The following USP15 variants were observed in gnomAD, a reference collection of about 807,000 sequenced individuals.
USP15 encodes the protein ubiquitin carboxyl-terminal hydrolase 15.
Under a neutral mutation model 127.1 loss-of-function variants are expected in USP15, and 18 were observed. The ratio of observed to expected loss-of-function variants is 0.14; its 90% CI spans 0.10 to 0.21. The LOEUF (loss-of-function observed/expected upper bound fraction) is 0.21. Ranked by LOEUF, USP15 falls within the 10% of genes least tolerant of loss-of-function variation. USP15 has a pLI of 1.00. For synonymous variants in USP15, 364 were observed against 393.7 expected, an observed-to-expected ratio of 0.92 and a Z score of 0.89; for missense variants, 805 against 1,159.9, an observed-to-expected ratio of 0.69 and a Z score of 4.44.
intron 1 of USP15, among the ~76,000 whole-genome samples, chr12:62,269,370 A>G (rs112332097): frequency 2.2e-4 from 34 of 151,612 alleles, no homozygotes; most frequent in East Asian, 7.7e-4. Context: ...GTGTGTGTGT[A>G]TATATATATA....
chr12:62,375,711 T>C (rs903563892), intron 8 of USP15, among the ~76,000 whole-genome samples: 1 of 152,178 alleles, frequency 6.6e-6, no homozygotes. Flanking sequence ...GCAGTCTCAA[T>C]ACATTAAACT....
intron 20 of USP15, among the ~76,000 whole-genome samples, chr12:62,398,975 T>G (rs886406062): frequency 6.6e-6 from 1 of 152,220 alleles, no homozygotes; most frequent in Non-Finnish European, 1.5e-5. Context: ...TCTCTGTTCC[T>G]TTTAACACCA....
chr12:62,298,164 A>C (rs1384418276), intron 2 of USP15, among the ~76,000 whole-genome samples: 1 of 152,172 alleles, frequency 6.6e-6, no homozygotes, highest in Non-Finnish European at 1.5e-5. Context: ...CCATCAAATG[A>C]ACCAATTTGT....
intron 8 of USP15, among the ~76,000 whole-genome samples, chr12:62,376,851 A>G (rs1031759244): frequency 6.6e-6 from 1 of 152,184 alleles, no homozygotes; most frequent in East Asian, 1.9e-4. Context: ...CTTACAGGAT[A>G]AAAGGGAAGT....
At chr12:62,331,740 G>T (rs1317071193) in intron 6 of USP15, among the ~76,000 whole-genome samples, 1 of 152,008 alleles carries the variant, frequency 6.6e-6, no homozygotes, top group Non-Finnish European at 1.5e-5. Flanking sequence ...AAAATGTTAA[G>T]GGTAAAATTT....
chr12:62,310,443 A>G (rs767687275), intron 3 of USP15, among the ~76,000 whole-genome samples: 2 of 151,784 alleles, frequency 1.3e-5, no homozygotes, highest in Non-Finnish European at 2.9e-5. Flanking sequence ...TCATGTGATC[A>G]AATTTTTTAG....
rs567811477 is a variant in USP15, at chr12:62,385,406, G to T, written c.1473+1104G>T. On this transcript the variant is annotated intron_variant, in intron 11 of 21. Coordinates refer to ENST00000280377, the MANE Select transcript of USP15 (RefSeq NM_001252078.2). ...ATTCAGGGATGTATTTGGGTTTATT[G>T]TCAACAAAGACAGGGTATATGTAGT... is the stretch of plus-strand genomic sequence containing the variant. Among the ~76,000 whole-genome samples the T allele has an allele frequency of 1.4e-4, 21 of 152,014 alleles. 1 individual carries two copies. The East Asian group carries it at 3.9e-3, about 28-fold the overall frequency.
At position 62,384,206 on chromosome 12, in the gene USP15, T is replaced by C; in HGVS notation, c.1377T>C (p.Asp459=). The C allele has an allele frequency of 6.2e-7, 1 of 1,613,088 alleles. No individual in the cohort carries two copies. Among genetic ancestry groups the C allele is most frequent in the Non-Finnish European group, 8.5e-7 (1 of 1,179,348 alleles). The change falls in exon 11 of 22, where the codon GAT becomes GAC. Residue 459 remains aspartate, a synonymous_variant. Coordinates refer to ENST00000280377, the MANE Select transcript of USP15 (RefSeq NM_001252078.2). ...PECAKISVTF[D]PFCYLTLPLP... ...GTGCTAAGATTTCAGTAACATTTGA[T>C]CCTTTTTGTTACTTGACACTTCCAT...
chr12:62,360,253 A>T (rs985102074), intron 8 of USP15, among the ~76,000 whole-genome samples: 10 of 152,120 alleles, frequency 6.6e-5, no homozygotes, highest in African/African-American at 2.2e-4. Context: ...AAAAAATGAT[A>T]CTAATCAAAG....
Position 62,415,235 on chromosome 12 carries a change from G to A in USP15, c.*10860G>A, listed in dbSNP as rs2068128804. On this transcript the variant is annotated 3_prime_UTR_variant, in exon 22 of 22. Transcript: ENST00000280377. Reference sequence around the variant, plus strand: ...TGAATGTTTCAGTTTTAGTGCAAAGGCAGGAAAAGACTGATGTCCCAGTTC... The same window carrying A: ...TGAATGTTTCAGTTTTAGTGCAAAGACAGGAAAAGACTGATGTCCCAGTTC... 1.3e-5 allele frequency: 2 copies of A among 152,146 alleles called. No homozygotes were observed. The highest frequency in any genetic ancestry group is 4.1e-4 in the South Asian group (2 of 4,832). The allele number at this position is 152,146 out of a possible 1,614,324, so 9.4% of individuals were successfully genotyped here. A position where few individuals can be genotyped will look rare whatever the true frequency, so the allele number is the denominator to read the frequency against.
At chr12:62,330,706 A>T (rs1377570326) in intron 6 of USP15, among the ~76,000 whole-genome samples, 2 of 151,356 alleles carry the variant, frequency 1.3e-5, no homozygotes. Context: ...GTATCACTTG[A>T]GCCCAGGAGT....
chr12:62,411,042 C>T lies in USP15; in HGVS notation c.*6667C>T, dbSNP rs565415095. ...TGATCCAGAGGTTCTCAGCAAGCCA[C>T]ACCTGAATTCCTAACCCACAAAAAC... On this transcript the variant is annotated 3_prime_UTR_variant, in exon 22 of 22. Transcript: ENST00000280377. 1 of 152,260 alleles carries T rather than the reference C, an allele frequency of 6.6e-6. No homozygotes were observed. Among genetic ancestry groups the T allele is most frequent in the South Asian group, 2.1e-4 (1 of 4,824 alleles). The allele number at this position is 152,260 out of a possible 1,614,324, so 9.4% of individuals were successfully genotyped here. A position where few individuals can be genotyped will look rare whatever the true frequency, so the allele number is the denominator to read the frequency against.
At chr12:62,321,429 T>TA in intron 4 of USP15, 35 bp from the exon 5 acceptor site, 1 of 1,359,690 alleles carries the variant, frequency 7.4e-7, no homozygotes, top group East Asian at 2.6e-5. Flanking sequence ...TTGAAATACA[T>TA]ACTATATTTA....
At chr12:62,385,679 T>G (rs549697508) in intron 11 of USP15, among the ~76,000 whole-genome samples, 117 of 152,144 alleles carry the variant, frequency 7.7e-4, no homozygotes, top group Middle Eastern at 3.4e-3. Flanking sequence ...TTCACATTTT[T>G]AAAGTTATAT....
intron 3 of USP15, among the ~76,000 whole-genome samples, chr12:62,313,812 A>T (rs1292385953): frequency 6.6e-6 from 1 of 151,766 alleles, no homozygotes. Flanking sequence ...TGTGTGTTGG[A>T]TTAGATAGTA....
At chr12:62,373,006 A>G (rs2137533447) in intron 8 of USP15, among the ~76,000 whole-genome samples, 1 of 152,262 alleles carries the variant, frequency 6.6e-6, no homozygotes, top group South Asian at 2.1e-4. Flanking sequence ...AACTGCTGAC[A>G]TAATCTAGTA....
At chr12:62,330,591 A>C (rs1465400614) in intron 6 of USP15, among the ~76,000 whole-genome samples, 1 of 151,392 alleles carries the variant, frequency 6.6e-6, no homozygotes, top group Non-Finnish European at 1.5e-5. Context: ...ATCTCAAAAA[A>C]AAAAAAAAAA....
chr12:62,308,599 A>G (rs1053364493), intron 3 of USP15, among the ~76,000 whole-genome samples: 8 of 152,128 alleles, frequency 5.3e-5, no homozygotes, highest in Non-Finnish European at 1.2e-4. Flanking sequence ...GAGGCTGCCA[A>G]CAGCTACATG....
At chr12:62,345,472 C>G (rs1167416427) in intron 6 of USP15, among the ~76,000 whole-genome samples, 1 of 152,180 alleles carries the variant, frequency 6.6e-6, no homozygotes, top group Non-Finnish European at 1.5e-5. Flanking sequence ...CCCACATCGT[C>G]CTGTCTCCTG....
Sources: gnomAD v4.1 joint callset for allele counts (sites outside exome capture counted in the v4.1 genomes callset) on GRCh38, gnomAD v4.1.1 for gene constraint, MANE v1.5 for transcripts, NCBI Gene and HGNC (gene_info 2026-07-23, HGNC 2026-07-21) for gene names.